LRRC37A2: variants seen among roughly 807,000 people sequenced by gnomAD.
LRRC37A2 encodes leucine-rich repeat-containing protein 37A2.
In LRRC37A2, 9 loss-of-function variants were observed where a neutral mutation model predicts 68.8. The ratio of observed to expected loss-of-function variants is 0.13; its 90% CI spans 0.08 to 0.23. The LOEUF (loss-of-function observed/expected upper bound fraction) is 0.23. LRRC37A2 is among the 10% of genes least tolerant of loss of function. The pLI is 1.00. For missense variants in LRRC37A2, 168 were observed against 950.4 expected (o/e 0.18, Z 10.82); for synonymous variants, 63 against 367.6 (o/e 0.17, Z 9.48).
chr17:46,851,769 CT>C, the LRRC37A2 span: 1 of 966,876 alleles, frequency 1.0e-6, no homozygotes, highest in Non-Finnish European at 1.4e-6. The surrounding 1 kb of genome is among the most constrained non-coding windows in gnomAD (Gnocchi z 4.3). Flanking sequence ...TCTCTCCCTC[CT>C]GCGCTACAGC....
the LRRC37A2 span, among the ~76,000 whole-genome samples, chr17:46,720,518 C>T: frequency 1.3e-5 from 2 of 152,192 alleles, no homozygotes; most frequent in African/African-American, 4.8e-5. Context: ...GGTCCACTTC[C>T]TGAGGCAGTT....
At chr17:46,774,597 A>G in the LRRC37A2 span, among the ~76,000 whole-genome samples, 4 of 152,224 alleles carry the variant, frequency 2.6e-5, no homozygotes, top group African/African-American at 9.6e-5. Context: ...GCACAGAGTC[A>G]GAAGGGAGAT....
At chr17:46,642,573 GT>G in the LRRC37A2 span, among the ~76,000 whole-genome samples, 1 of 116,090 alleles carries the variant, frequency 8.6e-6, no homozygotes, top group South Asian at 2.8e-4. Flanking sequence ...TCAGACTTTT[GT>G]GTCCAAGTGA....
the LRRC37A2 span, among the ~76,000 whole-genome samples, chr17:46,827,638 G>A: frequency 6.6e-6 from 1 of 152,134 alleles, no homozygotes; most frequent in African/African-American, 2.4e-5. Context: ...GCTGTTACTT[G>A]TAGCCAAAGG....
the LRRC37A2 span, among the ~76,000 whole-genome samples, chr17:46,971,195 G>C: frequency 6.6e-6 from 1 of 152,088 alleles, no homozygotes; most frequent in Non-Finnish European, 1.5e-5. Flanking sequence ...AAATGAGCCA[G>C]GCATGGTGGT....
chr17:46,747,971 T>C, the LRRC37A2 span, among the ~76,000 whole-genome samples: 1 of 152,074 alleles, frequency 6.6e-6, no homozygotes. Flanking sequence ...TTGCAGAACA[T>C]AGGAATGAAG....
At chr17:46,931,016 G>GA in the LRRC37A2 span, 302 of 799,484 alleles carry the variant, frequency 3.8e-4, no homozygotes, top group Middle Eastern at 3.1e-3. Flanking sequence ...ATTGGATATT[G>GA]AAAAAAAAAT....
At chr17:46,812,071 C>G in the LRRC37A2 span, among the ~76,000 whole-genome samples, 1 of 152,228 alleles carries the variant, frequency 6.6e-6, no homozygotes, top group African/African-American at 2.4e-5. Context: ...CGTTTTCCAG[C>G]CCGTCGCCAT....
At chr17:47,015,665 A>T in the LRRC37A2 span, among the ~76,000 whole-genome samples, 2 of 152,244 alleles carry the variant, frequency 1.3e-5, no homozygotes, top group Admixed American at 6.5e-5. Flanking sequence ...ACTTTTTTAA[A>T]AAAAGGAGCA....
the LRRC37A2 span, among the ~76,000 whole-genome samples, chr17:46,867,641 A>G: frequency 6.6e-6 from 1 of 152,204 alleles, no homozygotes; most frequent in Non-Finnish European, 1.5e-5. Flanking sequence ...TGGGAGAGCC[A>G]TCTTCTGCTT....
the LRRC37A2 span, among the ~76,000 whole-genome samples, chr17:46,904,606 G>A: frequency 6.6e-6 from 1 of 151,870 alleles, no homozygotes; most frequent in African/African-American, 2.4e-5. Context: ...GCAGGTGAGT[G>A]GGTGGGTAGA....
the LRRC37A2 span, among the ~76,000 whole-genome samples, chr17:46,485,977 C>CA: frequency 0.016 from 569 of 35,740 alleles, 60 homozygotes; most frequent in African/African-American, 0.061. Context: ...GACTCCGTCT[C>CA]AAAAAAAAAA....
chr17:46,569,332 A>T, the LRRC37A2 span, among the ~76,000 whole-genome samples: 1 of 150,020 alleles, frequency 6.7e-6, no homozygotes. Flanking sequence ...TGGAGATGTT[A>T]TAATAGCATG....
At chr17:46,775,675 G>C in the LRRC37A2 span, among the ~76,000 whole-genome samples, 1 of 146,314 alleles carries the variant, frequency 6.8e-6, no homozygotes, top group African/African-American at 2.6e-5. Flanking sequence ...ATGCAGTGAC[G>C]TGATCTCGGC....
chr17:46,932,200 G>A, the LRRC37A2 span: 364 of 1,613,850 alleles, frequency 2.3e-4, no homozygotes, highest in Non-Finnish European at 2.9e-4. Context: ...CACCACTAAC[G>A]TAAGCCAGGC....
At chr17:46,574,969 G>A in the LRRC37A2 span, among the ~76,000 whole-genome samples, 49 of 60,938 alleles carry the variant, frequency 8.0e-4, no homozygotes, top group African/African-American at 2.7e-3. Flanking sequence ...GGTGGTGAAC[G>A]TCTGTAATTC....
chr17:46,491,111 G>A, the LRRC37A2 span, among the ~76,000 whole-genome samples: 1 of 150,812 alleles, frequency 6.6e-6, no homozygotes, highest in Non-Finnish European at 1.5e-5. Context: ...TGCCCAGGCT[G>A]GTGTCGAACT....
chr17:46,861,568 A>G, the LRRC37A2 span, among the ~76,000 whole-genome samples: 2 of 152,048 alleles, frequency 1.3e-5, no homozygotes, highest in Non-Finnish European at 2.9e-5. Context: ...GAGAGCAGAG[A>G]CTTATCCCCA....
At chr17:46,751,657 G>C in the LRRC37A2 span, 1 of 1,296,672 alleles carries the variant, frequency 7.7e-7, no homozygotes, top group Admixed American at 1.8e-5. Context: ...ACAGAACAAA[G>C]CTTCAGGACA....
Sources: allele counts gnomAD v4.1 joint callset (sites outside exome capture counted in the v4.1 genomes callset), GRCh38; gene constraint gnomAD v4.1.1; non-coding constraint Gnocchi (gnomAD v3.1); transcripts MANE v1.5; gene names NCBI Gene and HGNC (gene_info 2026-07-23, HGNC 2026-07-21).